The following GNPDA2 variants were observed in gnomAD, a reference collection of about 807,000 sequenced individuals.
The protein encoded by GNPDA2 is glcN6P deaminase 2.
Under a neutral mutation model 27.0 loss-of-function variants are expected in GNPDA2, and 24 were observed. The ratio of observed to expected loss-of-function variants is 0.89; its 90% CI spans 0.64 to 1.25. The LOEUF (loss-of-function observed/expected upper bound fraction) is 1.25. Ranked by LOEUF, GNPDA2 falls within the 50% of genes most tolerant of loss-of-function variation. The pLI, the probability that GNPDA2 is intolerant of heterozygous loss-of-function variation, is 0.00. For synonymous variants in GNPDA2, 94 were observed against 108.4 expected (o/e 0.87, Z 0.83); for missense variants, 286 against 335.1 (o/e 0.85, Z 1.14).
Position 44,711,087 on chromosome 4 carries a change from C to T in GNPDA2, c.460G>A (p.Val154Met), listed in dbSNP as rs576200531. 3 of 1,611,640 alleles carry T rather than the reference C, an allele frequency of 1.9e-6. No individual in the cohort carries two copies. Among genetic ancestry groups the T allele is most frequent in the Non-Finnish European group, 2.5e-6 (3 of 1,179,104 alleles). ...AGAGTCTTTAATCTTGTCCTTGACA[C>T]TAAACTGGATCCAGGCTCATTGAAA... is the stretch of plus-strand genomic sequence containing the variant. ...IAFNEPGSSLVSRTRLKTLAM... is the reference protein window; with the variant it reads ...IAFNEPGSSLMSRTRLKTLAM... The change falls in exon 5 of 7, where the codon GTG becomes ATG. Residue 154 changes from valine (V) to methionine (M), a missense_variant. By Grantham distance (21) the Val-to-Met change is conservative (BLOSUM62 1). Coordinates refer to ENST00000295448, the MANE Select transcript of GNPDA2 (RefSeq NM_138335.3).
chr4:44,718,904 T>C (rs1717495104), intron 2 of GNPDA2, among the ~76,000 whole-genome samples: 1 of 151,994 alleles, frequency 6.6e-6, no homozygotes, highest in South Asian at 2.1e-4. Flanking sequence ...GCCTTACAGC[T>C]TTCTAAATGG....
At chr4:44,715,942 G>A (rs1717255751) in intron 4 of GNPDA2, among the ~76,000 whole-genome samples, 1 of 151,926 alleles carries the variant, frequency 6.6e-6, no homozygotes. Flanking sequence ...AATTATTTCC[G>A]CATTTACAGT....
chr4:44,710,044 G>C lies in GNPDA2; in HGVS notation c.594+909C>G, dbSNP rs549285378. 2.3e-3 allele frequency among the ~76,000 whole-genome samples: 344 copies of C among 152,162 alleles called. 1 individual carries two copies. Among genetic ancestry groups the C allele is most frequent in the Non-Finnish European group, 3.7e-3 (251 of 67,984 alleles). On this transcript the variant is annotated intron_variant, in intron 5 of 6. Transcript: ENST00000295448. ...AAAACTGTATTAAAACTTACATCTT[G>C]TTAAATGTAATCTATTACATAACTC...
At chr4:44,706,916 G>C (rs1359648319) in intron 6 of GNPDA2, 1 of 152,006 alleles carries the variant, frequency 6.6e-6, no homozygotes, top group Non-Finnish European at 1.5e-5. Context: ...ATACTACATA[G>C]TGAATCACTG....
chr4:44,721,946 G>A, intron 2 of GNPDA2, 138 bp downstream of exon 2: 1 of 614,366 alleles, frequency 1.6e-6, no homozygotes, highest in South Asian at 2.7e-5. Flanking sequence ...GCATTTTTCT[G>A]GCCTTTTATA....
At chr4:44,704,252 C>T in intron 6 of GNPDA2, 1 of 984,608 alleles carries the variant, frequency 1.0e-6, no homozygotes, top group Middle Eastern at 5.2e-4. Flanking sequence ...TGAAGGTCAC[C>T]TGAAACTTCA....
intron 4 of GNPDA2, among the ~76,000 whole-genome samples, chr4:44,716,780 C>T (rs1349422542): frequency 6.6e-6 from 1 of 151,712 alleles, no homozygotes; most frequent in Non-Finnish European, 1.5e-5. Flanking sequence ...TAAAAAGAAG[C>T]TATCATTTAG....
chr4:44,703,349 G>GT, intron 6 of GNPDA2: 2 of 1,347,884 alleles, frequency 1.5e-6, no homozygotes, highest in Non-Finnish European at 1.9e-6. Context: ...TTATAATTAT[G>GT]TAACAGTGCA....
At chr4:44,710,868 T>C in intron 5 of GNPDA2, 85 bp downstream of exon 5, 2 of 1,095,124 alleles carry the variant, frequency 1.8e-6, no homozygotes, top group Non-Finnish European at 2.5e-6. Flanking sequence ...GCAATCAAAA[T>C]ATCACTTATT....
At chr4:44,703,894 A>G in intron 6 of GNPDA2, 1 of 985,128 alleles carries the variant, frequency 1.0e-6, no homozygotes, top group Non-Finnish European at 1.2e-6. Flanking sequence ...GACCCAGTTA[A>G]TGAACCAGAG....
intron 4 of GNPDA2, among the ~76,000 whole-genome samples, chr4:44,713,412 C>T (rs759431683): frequency 1.3e-5 from 2 of 152,166 alleles, no homozygotes; most frequent in Non-Finnish European, 2.9e-5. Flanking sequence ...TTTCCAAAGA[C>T]TTGGTTGTTT....
chr4:44,708,634 GTA>G (rs1399422367), intron 5 of GNPDA2, among the ~76,000 whole-genome samples: 1 of 152,012 alleles, frequency 6.6e-6, no homozygotes, highest in Non-Finnish European at 1.5e-5. Flanking sequence ...ATGTGAATGT[GTA>G]TGTGTCGGAA....
chr4:44,705,262 A>C (rs1426798104), intron 6 of GNPDA2: 2 of 982,016 alleles, frequency 2.0e-6, no homozygotes, highest in South Asian at 9.4e-5. Flanking sequence ...AAAAGTATAC[A>C]AACTACATTT....
chr4:44,710,871 C>T, intron 5 of GNPDA2, 82 bp downstream of exon 5: 1 of 1,115,140 alleles, frequency 9.0e-7, no homozygotes, highest in East Asian at 2.6e-5. Context: ...ATCAAAATAT[C>T]ACTTATTCAG....
rs1716364007 is a variant in GNPDA2 at position 44,702,956 on chromosome 4, C to G, written c.*125G>C. 4 of 1,522,916 alleles carry G rather than the reference C, an allele frequency of 2.6e-6. No individual in the cohort carries two copies. In the South Asian group the frequency reaches 5.1e-5, roughly 19 times the overall value. 94.3% of individuals were successfully genotyped at this position (1,522,916 alleles called of 1,614,324 possible). On this transcript the variant is annotated 3_prime_UTR_variant, in exon 7 of 7. Coordinates refer to ENST00000295448, the MANE Select transcript of GNPDA2 (RefSeq NM_138335.3). ...AAATATGGAATGTTTAACATAGAGA[C>G]TCGAATGAAAAAATGACAATCTTCA...
chr4:44,714,763 A>G lies in GNPDA2; in HGVS notation c.409+2350T>C, dbSNP rs1021476188. The stretch of plus-strand genomic sequence containing the variant: ...ACAAATGAGATTCTTTCATGAATAC[A>G]TATCCAATAATAGGGCATCCCAAAT... On this transcript the variant is annotated intron_variant, in intron 4 of 6. Transcript: ENST00000295448. 5 of 568,010 alleles carry G rather than the reference A, an allele frequency of 8.8e-6. No individual in the cohort carries two copies. In the African/African-American group the frequency reaches 1.0e-4, roughly 12 times the overall value. 35.2% of individuals were successfully genotyped at this position (568,010 alleles called of 1,614,324 possible).
chr4:44,703,567 C>T (rs905041031), intron 6 of GNPDA2: 2 of 986,064 alleles, frequency 2.0e-6, no homozygotes, highest in Non-Finnish European at 2.4e-6. Context: ...AATACATTAC[C>T]CTATCCATTC....
chr4:44,708,913 CAT>C (rs891058104), intron 5 of GNPDA2, among the ~76,000 whole-genome samples: 1 of 152,062 alleles, frequency 6.6e-6, no homozygotes, highest in African/African-American at 2.4e-5. Flanking sequence ...TATTCTTACT[CAT>C]ATTTTAAAGA....
chr4:44,707,945 C>T lies in GNPDA2; in HGVS notation c.595-19G>A, dbSNP rs777026285. ...TCATTACCTGAAAAATTATGAACAT[C>T]AATTGTTAAAACTTGTTCCAAATGA... is the stretch of plus-strand genomic sequence containing the variant. On this transcript the variant is annotated intron_variant, in intron 5 of 6. Transcript: ENST00000295448. 1 of 1,532,602 alleles carries T rather than the reference C, an allele frequency of 6.5e-7. No individual in the cohort carries two copies. The highest frequency in any genetic ancestry group is 8.8e-7 in the Non-Finnish European group (1 of 1,130,182). 94.9% of individuals were successfully genotyped at this position (1,532,602 alleles called of 1,614,324 possible).
Sources: allele counts gnomAD v4.1 joint callset (sites outside exome capture counted in the v4.1 genomes callset), GRCh38; gene constraint gnomAD v4.1.1; transcripts MANE v1.5; gene names NCBI Gene and HGNC (gene_info 2026-07-23, HGNC 2026-07-21).